The following MAD1L1 variants were observed in gnomAD, a reference collection of about 807,000 sequenced individuals.
MAD1L1 encodes the protein mitotic spindle assembly checkpoint protein MAD1.
In MAD1L1, 95 loss-of-function variants were observed where a neutral mutation model predicts 96.9. The observed-to-expected ratio is 0.98, with a 90% CI of 0.83 to 1.16. The LOEUF is 1.16. Among genes scored for constraint, MAD1L1 ranks in the 50% most tolerant of loss-of-function variants. The probability of loss-of-function intolerance (pLI) is 0.00; values close to 1 mark genes in which losing one functional copy is unlikely to be tolerated. For missense variants in MAD1L1, 1,007 were observed against 954.4 expected, an observed-to-expected ratio of 1.06 and a Z score of -0.73; for synonymous variants, 473 against 396.6, an observed-to-expected ratio of 1.19 and a Z score of -2.29.
chr7:2,000,100 C>T (rs1043358666), intron 14 of MAD1L1, among the ~76,000 whole-genome samples: 3 of 152,006 alleles, frequency 2.0e-5, no homozygotes, highest in African/African-American at 7.3e-5. Context: ...AAGCCTCCAG[C>T]CCTGTGCATC....
At position 1,898,264 on chromosome 7, in the gene MAD1L1, G is replaced by T; in HGVS notation, c.1934C>A (p.Thr645Lys). 2 of 1,614,180 alleles carry T rather than the reference G, an allele frequency of 1.2e-6. No individual in the cohort carries two copies. The highest frequency in any genetic ancestry group is 1.7e-6 in the Non-Finnish European group (2 of 1,180,034). Residue 645 changes from threonine (T) to lysine (K), a missense_variant, in exon 18 of 19, where the codon ACG (threonine) becomes AAG (lysine). Thr to Lys is a moderately conservative substitution (Grantham distance 78). Transcript: ENST00000265854. Reference protein sequence around the residue: ...TLTGYQIDITTENQYRLTSLY... With the variant: ...TLTGYQIDITKENQYRLTSLY... ...CGAGGTCAGCCGGTACTGGTTCTCC[G>T]TGGTGATGTCGATCTGGTAGCCGGT...
intron 18 of MAD1L1, among the ~76,000 whole-genome samples, chr7:1,893,055 C>A (rs901865427): frequency 6.6e-6 from 1 of 152,200 alleles, no homozygotes; most frequent in Admixed American, 6.5e-5. Flanking sequence ...CCTCCCCGCT[C>A]CAGGCCCAGG....
intron 10 of MAD1L1, among the ~76,000 whole-genome samples, chr7:2,173,600 G>A (rs1175558223): frequency 2.0e-5 from 3 of 152,148 alleles, no homozygotes; most frequent in Non-Finnish European, 2.9e-5. Context: ...TGGCAATCTC[G>A]TCTTTGGGGA....
chr7:1,871,698 C>T (rs1479247543), intron 18 of MAD1L1, among the ~76,000 whole-genome samples: 3 of 149,132 alleles, frequency 2.0e-5, no homozygotes, highest in Non-Finnish European at 3.0e-5. Context: ...AACATAACAC[C>T]TGCCACGCTG....
chr7:2,127,621 G>C (rs1788294198), intron 11 of MAD1L1, among the ~76,000 whole-genome samples: 1 of 152,210 alleles, frequency 6.6e-6, no homozygotes, highest in Non-Finnish European at 1.5e-5. Context: ...AAAGGCAAGA[G>C]AGGAGGAGAC....
At chr7:2,040,109 G>T (rs2056477) in intron 12 of MAD1L1, among the ~76,000 whole-genome samples, 209 of 152,084 alleles carry the variant, frequency 1.4e-3, no homozygotes, top group African/African-American at 4.7e-3. Context: ...AGAGATAAAG[G>T]CTGTAAAGGA....
intron 10 of MAD1L1, among the ~76,000 whole-genome samples, chr7:2,177,911 G>A (rs1032917882): frequency 2.0e-5 from 3 of 152,076 alleles, no homozygotes; most frequent in Admixed American, 6.6e-5. Context: ...AGGCTCTGGA[G>A]GCAAGAGCAA....
intron 17 of MAD1L1, among the ~76,000 whole-genome samples, chr7:1,923,486 G>GGGCAACCCCGCACTCTTCCGCCCCGGCAC (rs1562527703): frequency 2.0e-5 from 3 of 150,234 alleles, no homozygotes; most frequent in Non-Finnish European, 4.4e-5. Context: ...CGCCCCGGCA[G>GGGCAACCCCGCACTCTTCCGCCCCGGCAC]CCGGGCAACC....
chr7:1,941,473 G>C (rs758509082), intron 16 of MAD1L1, among the ~76,000 whole-genome samples: 1 of 152,244 alleles, frequency 6.6e-6, no homozygotes, highest in Non-Finnish European at 1.5e-5. Flanking sequence ...AAACTGAGAA[G>C]TTCTTCTTAA....
At chr7:2,139,219 C>T (rs981474536) in intron 11 of MAD1L1, among the ~76,000 whole-genome samples, 1 of 152,068 alleles carries the variant, frequency 6.6e-6, no homozygotes, top group Non-Finnish European at 1.5e-5. Flanking sequence ...CTGGCTGCCA[C>T]GGGGATCACA....
chr7:2,024,499 C>T (rs1007910061), intron 12 of MAD1L1, among the ~76,000 whole-genome samples: 9 of 152,140 alleles, frequency 5.9e-5, no homozygotes, highest in African/African-American at 4.8e-5. Flanking sequence ...TAGAAATTGG[C>T]GGTGAGCCAA....
chr7:1,873,648 C>G (rs939058911), intron 18 of MAD1L1, among the ~76,000 whole-genome samples: 3 of 152,040 alleles, frequency 2.0e-5, no homozygotes, highest in African/African-American at 7.2e-5. Context: ...CACCAGCTGC[C>G]CACTGCTGCC....
At position 1,817,697 on chromosome 7, in the gene MAD1L1, A is replaced by G. The variant is rs1781893024; in HGVS notation, c.1999-1469T>C. 1.3e-5 allele frequency among the ~76,000 whole-genome samples: 2 copies of G among 152,160 alleles called. 1 individual carries two copies. The highest frequency in any genetic ancestry group is 4.1e-4 in the South Asian group (2 of 4,826). ...GTAGACTAATGGAGCGCTAGACGTGAGGGTGAGCTGCATGTGTGTGCATCG... is the reference window on the plus strand; with the variant it reads ...GTAGACTAATGGAGCGCTAGACGTGGGGGTGAGCTGCATGTGTGTGCATCG... On this transcript the variant is annotated intron_variant, in intron 18 of 18. Coordinates refer to ENST00000265854, the MANE Select transcript of MAD1L1 (RefSeq NM_001013836.2).
intron 10 of MAD1L1, among the ~76,000 whole-genome samples, chr7:2,161,398 C>A (rs1263422803): frequency 6.6e-6 from 1 of 152,086 alleles, no homozygotes; most frequent in Non-Finnish European, 1.5e-5. Context: ...GAGTCTCACT[C>A]ACTCAGTGCT....
intron 18 of MAD1L1, among the ~76,000 whole-genome samples, chr7:1,844,483 C>T (rs1473432373): frequency 2.6e-5 from 4 of 152,146 alleles, no homozygotes; most frequent in Admixed American, 6.5e-5. Flanking sequence ...GGTCCCACCC[C>T]GCTGAAGGAG....
chr7:2,007,162 G>A (rs536059316), intron 13 of MAD1L1, among the ~76,000 whole-genome samples: 12 of 152,276 alleles, frequency 7.9e-5, no homozygotes, highest in African/African-American at 2.4e-4. Context: ...GAGAAGAGGC[G>A]CCGAGGTGGA....
At chr7:2,049,340 C>A (rs1253745469) in intron 12 of MAD1L1, among the ~76,000 whole-genome samples, 1 of 152,214 alleles carries the variant, frequency 6.6e-6, no homozygotes, top group Non-Finnish European at 1.5e-5. Flanking sequence ...CTTCCCGGTG[C>A]CCCGCCCAGG....
chr7:2,221,892 C>G (rs1175631859), intron 5 of MAD1L1, among the ~76,000 whole-genome samples: 2 of 152,126 alleles, frequency 1.3e-5, no homozygotes, highest in Non-Finnish European at 2.9e-5. Flanking sequence ...ACCGCCATCG[C>G]TAGGGACCTT....
intron 18 of MAD1L1, among the ~76,000 whole-genome samples, chr7:1,894,675 G>C (rs1786756123): frequency 6.6e-6 from 1 of 152,164 alleles, no homozygotes; most frequent in Non-Finnish European, 1.5e-5. Context: ...ATGGGGCGCA[G>C]GAAGGTCTGG....
Sources: gnomAD v4.1 joint callset for allele counts (sites outside exome capture counted in the v4.1 genomes callset) on GRCh38, gnomAD v4.1.1 for gene constraint, MANE v1.5 for transcripts, NCBI Gene and HGNC (gene_info 2026-07-23, HGNC 2026-07-21) for gene names.